Variants in SPSB1 observed in about 807,000 individuals in gnomAD.
SPSB1 encodes splA/ryanodine receptor domain and SOCS box containing 1, also known as SPRY domain-containing SOCS box protein 1.
Under a neutral mutation model 21.2 loss-of-function variants are expected in SPSB1, and 8 were observed. That is an observed-to-expected ratio of 0.38 (90% confidence interval 0.22 to 0.68). The LOEUF is 0.68. Ranked by LOEUF, SPSB1 falls within the 30% of genes least tolerant of loss-of-function variation. The pLI is 0.53. For missense variants in SPSB1, 242 were observed against 377.8 expected, an observed-to-expected ratio of 0.64 and a Z score of 2.98; for synonymous variants, 169 against 161.7, an observed-to-expected ratio of 1.05 and a Z score of -0.34.
rs138029782 is a variant in SPSB1 at position 9,305,177 on chromosome 1, C to G, written c.-150+12106C>G. ...ACTGTCACCTATATTCTGCTGACCC[C>G]GTCTCACACTCTTCATGCTGCCTGG... On this transcript the variant is annotated intron_variant, in intron 1 of 2. Transcript: ENST00000328089. This position sits in a 1 kb window ranked among gnomAD's most constrained non-coding sequence, Gnocchi z 4.8. 6.6e-6 allele frequency among the ~76,000 whole-genome samples: 1 copy of G among 152,188 alleles called. No individual in the cohort carries two copies. Among genetic ancestry groups the G allele is most frequent in the Admixed American group, 6.5e-5 (1 of 15,286 alleles).
intron 1 of SPSB1, among the ~76,000 whole-genome samples, chr1:9,314,195 C>CAA (rs760067366): frequency 6.8e-6 from 1 of 147,032 alleles, no homozygotes; most frequent in East Asian, 2.0e-4. Context: ...AAACAAAAAA[C>CAA]AAAAAAAACA....
intron 1 of SPSB1, among the ~76,000 whole-genome samples, chr1:9,306,761 T>G (rs1639418720): frequency 6.6e-6 from 1 of 152,074 alleles, no homozygotes; most frequent in South Asian, 2.1e-4. Context: ...GTAAATAGGC[T>G]GCAGGGGGCT....
Position 9,367,382 on chromosome 1 carries a change from T to A in SPSB1, c.695-66T>A. The A allele has an allele frequency of 6.2e-7, 1 of 1,609,314 alleles. No individual in the cohort carries two copies. Among genetic ancestry groups the A allele is most frequent in the Non-Finnish European group, 8.5e-7 (1 of 1,178,506 alleles). On this transcript the variant is annotated intron_variant, in intron 2 of 2. Transcript: ENST00000328089. The surrounding 1 kb of genome is among the most constrained non-coding windows in gnomAD (Gnocchi z 5.9). ...CTAATCAGTGATAATATTGCTGCTG[T>A]GGTTAGCGCTGTTTGCTGAACACCC... is the stretch of plus-strand genomic sequence containing the variant.
In SPSB1 at chr1:9,338,177, G is replaced by A. The variant is rs892777166; in HGVS notation, c.-149-17566G>A. Among the ~76,000 whole-genome samples, 15 of 152,214 alleles carry A rather than the reference G, an allele frequency of 9.9e-5. 1 individual carries two copies. Among genetic ancestry groups the A allele is most frequent in the Admixed American group, 4.6e-4 (7 of 15,288 alleles). On this transcript the variant is annotated intron_variant, in intron 1 of 2. Coordinates refer to ENST00000328089, the MANE Select transcript of SPSB1 (RefSeq NM_025106.4). ...CAGACCTGGAGACATGGAGGTTGGCGGTTGGGGGGTGCCACTCAGCTCTCC... is the reference window on the plus strand; with the variant it reads ...CAGACCTGGAGACATGGAGGTTGGCAGTTGGGGGGTGCCACTCAGCTCTCC...
chr1:9,299,364 C>A (rs1384442411), intron 1 of SPSB1, among the ~76,000 whole-genome samples: 1 of 152,322 alleles, frequency 6.6e-6, no homozygotes, highest in East Asian at 1.9e-4. Flanking sequence ...TGGGGCTGGG[C>A]ACGGTGGCTC....
chr1:9,330,596 C>T (rs1483061130), intron 1 of SPSB1, among the ~76,000 whole-genome samples: 1 of 152,138 alleles, frequency 6.6e-6, no homozygotes, highest in Non-Finnish European at 1.5e-5. Context: ...CTAACTTCAC[C>T]CGACACGTTT....
intron 1 of SPSB1, among the ~76,000 whole-genome samples, chr1:9,303,444 C>G (rs1639365427): frequency 1.3e-5 from 2 of 152,212 alleles, no homozygotes; most frequent in East Asian, 1.9e-4. Context: ...GCCAGAATTG[C>G]TGGGAGTATT....
At position 9,330,598 on chromosome 1, in the gene SPSB1, G is replaced by A. The variant is rs187233637; in HGVS notation, c.-149-25145G>A. ...GACACACGTATCCCTAACTTCACCC[G>A]ACACGTTTGGGGGAGTATTTTGGGT... is the stretch of plus-strand genomic sequence containing the variant. On this transcript the variant is annotated intron_variant, in intron 1 of 2. Coordinates refer to ENST00000328089, the MANE Select transcript of SPSB1 (RefSeq NM_025106.4). 3.4e-3 allele frequency among the ~76,000 whole-genome samples: 514 copies of A among 152,068 alleles called. 1 individual carries two copies. Among genetic ancestry groups the A allele is most frequent in the Middle Eastern group, 0.017 (5 of 294 alleles).
intron 1 of SPSB1, among the ~76,000 whole-genome samples, chr1:9,320,821 G>A (rs544857428): frequency 3.9e-5 from 6 of 152,120 alleles, no homozygotes; most frequent in Non-Finnish European, 8.8e-5. Flanking sequence ...TATGTCACTG[G>A]TGGTTTGGAA....
At chr1:9,294,779 ACAG>A (rs1424697006) in intron 1 of SPSB1, among the ~76,000 whole-genome samples, 1 of 152,096 alleles carries the variant, frequency 6.6e-6, no homozygotes, top group African/African-American at 2.4e-5. Context: ...TGTGAGGAGA[ACAG>A]CAAGCAAGGA....
intron 1 of SPSB1, among the ~76,000 whole-genome samples, chr1:9,313,891 A>G (rs1639564815): frequency 6.6e-6 from 1 of 152,172 alleles, no homozygotes; most frequent in African/African-American, 2.4e-5. Flanking sequence ...GAACAAGACA[A>G]CTGGCCAGGC....
chr1:9,363,991 C>T lies in SPSB1; in HGVS notation c.695-3457C>T, dbSNP rs12034435. On this transcript the variant is annotated intron_variant, in intron 2 of 2. Coordinates refer to ENST00000328089, the MANE Select transcript of SPSB1 (RefSeq NM_025106.4). This position sits in a 1 kb window ranked among gnomAD's most constrained non-coding sequence, Gnocchi z 4.5. ...CTGGGATTACAGGCATAAGCCACCG[C>T]GTCCAGCCTAGAAACATTTCTTCAT... Among the ~76,000 whole-genome samples the T allele has an allele frequency of 0.13, 20,538 of 152,266 alleles. 1,755 individuals carry two copies. The highest frequency in any genetic ancestry group is 0.32 in the East Asian group (1,642 of 5,160).
Position 9,316,564 on chromosome 1 carries a change from G to A in SPSB1, c.-150+23493G>A, listed in dbSNP as rs1472683525. 2.0e-5 allele frequency among the ~76,000 whole-genome samples: 3 copies of A among 152,238 alleles called. No individual in the cohort carries two copies. In the East Asian group the frequency reaches 5.8e-4, roughly 29 times the overall value. Reference sequence around the variant, plus strand: ...GGTGCTGGATGGCGAGGAGGGGGGGGCTGATCGAAGCGGGTTCAGGGGCTG... The same window carrying A: ...GGTGCTGGATGGCGAGGAGGGGGGGACTGATCGAAGCGGGTTCAGGGGCTG... On this transcript the variant is annotated intron_variant, in intron 1 of 2. Transcript: ENST00000328089.
chr1:9,360,945 G>T (rs1640461984), intron 2 of SPSB1, among the ~76,000 whole-genome samples: 1 of 152,118 alleles, frequency 6.6e-6, no homozygotes, highest in Non-Finnish European at 1.5e-5. Flanking sequence ...TGAGCCCGGA[G>T]CTCCATCCTC....
chr1:9,331,393 C>T (rs777497794), intron 1 of SPSB1, among the ~76,000 whole-genome samples: 3 of 126,788 alleles, frequency 2.4e-5, no homozygotes, highest in South Asian at 2.6e-4. Context: ...TACAGTGGTA[C>T]GATCTTGGCT....
At chr1:9,314,188 C>CA (rs1557448845) in intron 1 of SPSB1, among the ~76,000 whole-genome samples, 3 of 139,488 alleles carry the variant, frequency 2.2e-5, no homozygotes, top group Non-Finnish European at 3.2e-5. Context: ...AAAAAAAAAA[C>CA]AAAAAACAAA....
At chr1:9,355,718 G>A (rs983521582) in intron 1 of SPSB1, 25 bp from the exon 2 acceptor site, 22 of 1,346,454 alleles carry the variant, frequency 1.6e-5, no homozygotes, top group African/African-American at 7.3e-5. Context: ...CCTGCTCACC[G>A]GTTGTTTGTC....
At chr1:9,323,376 A>G (rs1201011615) in intron 1 of SPSB1, among the ~76,000 whole-genome samples, 1 of 152,076 alleles carries the variant, frequency 6.6e-6, no homozygotes, top group East Asian at 1.9e-4. Context: ...GGGACTTTCC[A>G]TGTCTCCCCC....
intron 2 of SPSB1, among the ~76,000 whole-genome samples, chr1:9,361,027 G>A (rs1050753962): frequency 6.6e-6 from 1 of 152,196 alleles, no homozygotes; most frequent in Non-Finnish European, 1.5e-5. Context: ...CGTCCCGGGA[G>A]AGTTGGCTTT....
Sources: gnomAD v4.1 joint callset for allele counts (sites outside exome capture counted in the v4.1 genomes callset) on GRCh38, gnomAD v4.1.1 for gene constraint, Gnocchi (gnomAD v3.1) non-coding constraint, MANE v1.5 for transcripts, NCBI Gene and HGNC (gene_info 2026-07-23, HGNC 2026-07-21) for gene names.